Variants in TBC1D1 observed in about 807,000 individuals in gnomAD.
The protein encoded by TBC1D1 is TBC1 domain family member 1.
A neutral mutation model predicts 125.6 loss-of-function variants in TBC1D1; 89 were observed. The ratio of observed to expected loss-of-function variants is 0.71; its 90% CI spans 0.60 to 0.85. The LOEUF is 0.85. TBC1D1 is among the 40% of genes least tolerant of loss of function. The pLI is 0.00. For missense variants in TBC1D1, 1,377 were observed against 1,469.2 expected, an observed-to-expected ratio of 0.94 and a Z score of 1.03; for synonymous variants, 565 against 564.1, an observed-to-expected ratio of 1.00 and a Z score of -0.02.
chr4:38,066,636 T>C (rs1342557598), intron 12 of TBC1D1, among the ~76,000 whole-genome samples: 7 of 152,092 alleles, frequency 4.6e-5, no homozygotes, highest in Non-Finnish European at 7.4e-5. Flanking sequence ...CAGGCCTCCA[T>C]GTATTTGAAT....
chr4:37,990,564 A>G (rs1429320979), intron 2 of TBC1D1, among the ~76,000 whole-genome samples: 1 of 152,216 alleles, frequency 6.6e-6, no homozygotes, highest in African/African-American at 2.4e-5. Flanking sequence ...TAGTACATCT[A>G]AGGCCAAAGC....
intron 2 of TBC1D1, among the ~76,000 whole-genome samples, chr4:37,908,032 A>G (rs1717707512): frequency 1.3e-5 from 2 of 152,178 alleles, no homozygotes; most frequent in South Asian, 4.1e-4. Flanking sequence ...GGCTTCTGAC[A>G]TTACATGGTG....
chr4:37,988,935 C>T (rs924835467), intron 2 of TBC1D1, among the ~76,000 whole-genome samples: 1 of 152,202 alleles, frequency 6.6e-6, no homozygotes, highest in African/African-American at 2.4e-5. Flanking sequence ...ACTGCCAAAA[C>T]AGATCTCAAA....
At chr4:37,990,443 A>G (rs1736317084) in intron 2 of TBC1D1, among the ~76,000 whole-genome samples, 1 of 152,204 alleles carries the variant, frequency 6.6e-6, no homozygotes, top group African/African-American at 2.4e-5. Flanking sequence ...TAGAACTTGT[A>G]AAATTTGACT....
chr4:38,123,876 C>T (rs1764236706), intron 17 of TBC1D1, among the ~76,000 whole-genome samples: 1 of 152,204 alleles, frequency 6.6e-6, no homozygotes, highest in Non-Finnish European at 1.5e-5. Context: ...TTCAGTTTCC[C>T]ATTTGCACAG....
intron 2 of TBC1D1, among the ~76,000 whole-genome samples, chr4:37,975,968 C>T (rs954067391): frequency 6.6e-6 from 1 of 152,134 alleles, no homozygotes; most frequent in African/African-American, 2.4e-5. Context: ...ATGATCCTCT[C>T]CTTTTGATAT....
In TBC1D1 at chr4:38,133,086, A is replaced by T. The variant is rs776180053; in HGVS notation, c.3135A>T (p.Val1045=). The T allele has an allele frequency of 6.2e-7, 1 of 1,609,010 alleles. No individual in the cohort carries two copies. ...GATGACTTTTCTTTCTATAACAGGT[A>T]TTTGAAATGGACATCGCTAAACAGT... Residue 1045 remains valine (V), a splice_region_variant and synonymous_variant, in exon 19 of 20, where the codon GTA becomes GTT. Coordinates refer to ENST00000261439, the MANE Select transcript of TBC1D1 (RefSeq NM_015173.4).
chr4:38,015,126 G>T (rs1742421218), intron 3 of TBC1D1, among the ~76,000 whole-genome samples, 153 bp downstream of exon 3: 1 of 152,158 alleles, frequency 6.6e-6, no homozygotes, highest in Non-Finnish European at 1.5e-5. Flanking sequence ...CTTAGGATAA[G>T]CTCCTTCCTT....
intron 10 of TBC1D1, among the ~76,000 whole-genome samples, chr4:38,048,878 A>G (rs1749962795): frequency 6.6e-6 from 1 of 152,230 alleles, no homozygotes; most frequent in Non-Finnish European, 1.5e-5. Flanking sequence ...AAATATTGTC[A>G]TGATTCTCAA....
At chr4:38,087,977 ATG>A (rs1025378969) in intron 12 of TBC1D1, among the ~76,000 whole-genome samples, 2 of 149,966 alleles carry the variant, frequency 1.3e-5, no homozygotes, top group Admixed American at 6.7e-5. Flanking sequence ...GTGAGAGTGT[ATG>A]GAAACACTGC....
chr4:38,087,968 T>A (rs1757820007), intron 12 of TBC1D1, among the ~76,000 whole-genome samples: 1 of 140,824 alleles, frequency 7.1e-6, no homozygotes, highest in African/African-American at 2.7e-5. Context: ...CACGAGATTG[T>A]GAGAGTGTAT....
intron 12 of TBC1D1, among the ~76,000 whole-genome samples, chr4:38,074,389 G>A (rs78939461): frequency 0.021 from 3,136 of 152,296 alleles, 50 homozygotes; most frequent in South Asian, 0.056. Context: ...AGAAAGCGAC[G>A]AGTGCAGTGA....
rs61731587 is a variant in TBC1D1, at chr4:38,014,751, G to T, written c.660G>T (p.Ala220=). The T allele has an allele frequency of 1.5e-6, 2 of 1,303,578 alleles. No homozygotes were observed. Among genetic ancestry groups the T allele is most frequent in the African/African-American group, 1.5e-5 (1 of 67,772 alleles). The allele number at this position is 1,303,578 out of a possible 1,614,324, so 80.8% of individuals were successfully genotyped here. The change falls in exon 3 of 20, where the codon GCG becomes GCT. Residue 220 remains alanine, a synonymous_variant. Coordinates refer to ENST00000261439, the MANE Select transcript of TBC1D1 (RefSeq NM_015173.4). The surrounding 1 kb of genome is among the most constrained non-coding windows in gnomAD (Gnocchi z 5.1). ...CCCGCCCCAACCCGCCCCATGCCGC[G>T]CCCACAGGGAGCCAGGAGCCTGTGC... is the stretch of plus-strand genomic sequence containing the variant.
At position 38,014,850 on chromosome 4, in the gene TBC1D1, G is replaced by C; in HGVS notation, c.759G>C (p.Gly253=). The C allele has an allele frequency of 3.1e-6, 5 of 1,612,118 alleles. No individual in the cohort carries two copies. Among genetic ancestry groups the C allele is most frequent in the Non-Finnish European group, 4.2e-6 (5 of 1,178,562 alleles). Residue 253 remains glycine (G), a synonymous_variant, in exon 3 of 20, where the codon GGG becomes GGC. Transcript: ENST00000261439. This position sits in a 1 kb window ranked among gnomAD's most constrained non-coding sequence, Gnocchi z 5.1. Reference sequence around the variant, plus strand: ...CCTTTAGGAAGGAGCTGCAGGATGGGGGCCTCCGAAGCAGCGGCTTCTTCA... The same window carrying C: ...CCTTTAGGAAGGAGCTGCAGGATGGCGGCCTCCGAAGCAGCGGCTTCTTCA...
At chr4:38,078,755 T>G (rs1044670223) in intron 12 of TBC1D1, among the ~76,000 whole-genome samples, 1 of 152,214 alleles carries the variant, frequency 6.6e-6, no homozygotes, top group African/African-American at 2.4e-5. Flanking sequence ...CAAATGTGTG[T>G]TGTTTAAGCC....
chr4:38,026,361 G>T (rs1348459376), intron 6 of TBC1D1, among the ~76,000 whole-genome samples: 1 of 152,176 alleles, frequency 6.6e-6, no homozygotes, highest in African/African-American at 2.4e-5. Context: ...CGTGGCTTTG[G>T]GCAGGCGTGG....
At position 38,014,889 on chromosome 4, in the gene TBC1D1, G is replaced by A. The variant is rs886610318; in HGVS notation, c.798G>A (p.Glu266=). The A allele has an allele frequency of 3.7e-6, 6 of 1,604,262 alleles. No individual in the cohort carries two copies. The highest frequency in any genetic ancestry group is 5.1e-6 in the Non-Finnish European group (6 of 1,172,794). Residue 266 remains glutamate (E), a synonymous_variant, in exon 3 of 20, where the codon GAG becomes GAA. Coordinates refer to ENST00000261439, the MANE Select transcript of TBC1D1 (RefSeq NM_015173.4). The surrounding 1 kb of genome is among the most constrained non-coding windows in gnomAD (Gnocchi z 5.1). ...GCGGCTTCTTCAGCTCCTTCGAGGA[G>A]AGCGACATTGAGAACCACCTCATTA...
intron 17 of TBC1D1, among the ~76,000 whole-genome samples, chr4:38,124,081 C>T (rs937606643): frequency 6.6e-6 from 1 of 152,196 alleles, no homozygotes; most frequent in Admixed American, 6.5e-5. Context: ...CTGACACTTG[C>T]CTCCAATTAT....
At chr4:37,948,234 T>G (rs7661459) in intron 2 of TBC1D1, among the ~76,000 whole-genome samples, 32 of 152,050 alleles carry the variant, frequency 2.1e-4, no homozygotes, top group Non-Finnish European at 2.2e-4. Flanking sequence ...AGTGGGTGTG[T>G]GAAGAAGAGC....
Sources: allele counts gnomAD v4.1 joint callset (sites outside exome capture counted in the v4.1 genomes callset), GRCh38; gene constraint gnomAD v4.1.1; non-coding constraint Gnocchi (gnomAD v3.1); transcripts MANE v1.5; gene names NCBI Gene and HGNC (gene_info 2026-07-23, HGNC 2026-07-21).